Variants in WDR37 observed in about 807,000 individuals in gnomAD.
WDR37 encodes the protein WD repeat-containing protein 37.
Under a neutral mutation model 62.9 loss-of-function variants are expected in WDR37, and 19 were observed. The ratio of observed to expected loss-of-function variants is 0.30; its 90% confidence interval spans 0.21 to 0.44. WDR37 has a LOEUF of 0.44. WDR37 is among the 20% of genes least tolerant of loss of function. The pLI is 1.00. For missense variants in WDR37, 474 were observed against 657.6 expected (o/e 0.72, Z 3.05); for synonymous variants, 250 against 260.9 (o/e 0.96, Z 0.40).
chr10:1,074,935 G>T (rs1252622133), intron 2 of WDR37, among the ~76,000 whole-genome samples: 1 of 152,270 alleles, frequency 6.6e-6, no homozygotes, highest in African/African-American at 2.4e-5. Flanking sequence ...TGAAGAGCTG[G>T]CTGCTTCCCG....
At chr10:1,128,774 G>T (rs1431282685) in intron 13 of WDR37, among the ~76,000 whole-genome samples, 1 of 152,090 alleles carries the variant, frequency 6.6e-6, no homozygotes, top group African/African-American at 2.4e-5. Context: ...ACTCATTCTG[G>T]CCTGGCTGCA....
intron 12 of WDR37, 117 bp downstream of exon 12, chr10:1,124,469 G>T (rs763216355): frequency 1.4e-6 from 2 of 1,421,096 alleles, no homozygotes; most frequent in East Asian, 4.6e-5. Context: ...AATGGTTTAG[G>T]CTCCTTTGTC....
At chr10:1,117,538 T>G (rs1301781482) in intron 11 of WDR37, among the ~76,000 whole-genome samples, 1 of 152,216 alleles carries the variant, frequency 6.6e-6, no homozygotes, top group Non-Finnish European at 1.5e-5. Context: ...CAGCTTTGTT[T>G]CGGCCTGTCA....
At chr10:1,069,389 A>ATATATATATATATATATTTTTTTTTTTT in intron 1 of WDR37, among the ~76,000 whole-genome samples, 1 of 95,776 alleles carries the variant, frequency 1.0e-5, no homozygotes, top group East Asian at 3.4e-4. Context: ...ATATATATAT[A>ATATATATATATATATATTTTTTTTTTTT]TTTTTTTTTT....
intron 11 of WDR37, among the ~76,000 whole-genome samples, chr10:1,108,418 G>A (rs1407884798): frequency 6.6e-6 from 1 of 152,148 alleles, no homozygotes; most frequent in Non-Finnish European, 1.5e-5. Context: ...TCCTTTAAGT[G>A]CCCCTCTGCT....
intron 1 of WDR37, among the ~76,000 whole-genome samples, chr10:1,063,956 A>G (rs147715860): frequency 3.9e-4 from 59 of 152,162 alleles, no homozygotes; most frequent in African/African-American, 1.4e-3. Context: ...GAAAATCTCA[A>G]CCTCAGTAAG....
intron 11 of WDR37, among the ~76,000 whole-genome samples, chr10:1,110,025 C>G (rs1835161003): frequency 6.6e-6 from 1 of 152,172 alleles, no homozygotes; most frequent in African/African-American, 2.4e-5. Flanking sequence ...TGGACCAGAC[C>G]TGCCCGGGCC....
At chr10:1,111,763 A>G (rs1297143545) in intron 11 of WDR37, among the ~76,000 whole-genome samples, 1 of 152,238 alleles carries the variant, frequency 6.6e-6, no homozygotes, top group Non-Finnish European at 1.5e-5. Context: ...ACTGATTTAT[A>G]TGAAAAGCAA....
In WDR37 at chr10:1,080,111, G is replaced by A. The variant is rs994543677; in HGVS notation, c.331+5G>A. The A allele has an allele frequency of 8.7e-6, 14 of 1,613,868 alleles. No homozygotes were observed. Among genetic ancestry groups the A allele is most frequent in the Non-Finnish European group, 1.7e-6 (2 of 1,179,942 alleles). Reference sequence around the variant, plus strand: ...AGGGCCAACTCAAAACAAAAGGTAAGGTGAATCCCATGAAAGTCTTGTCCT... The same window carrying A: ...AGGGCCAACTCAAAACAAAAGGTAAAGTGAATCCCATGAAAGTCTTGTCCT... On this transcript the variant is annotated splice_donor_5th_base_variant and intron_variant, in intron 4 of 13. Transcript: ENST00000263150.
rs141826343 is a variant in WDR37 at position 1,125,000 on chromosome 10, G to A, written c.1329G>A (p.Ala443=). Residue 443 remains alanine, a synonymous_variant, in exon 13 of 14, where the codon GCG becomes GCA. Coordinates refer to ENST00000263150, the MANE Select transcript of WDR37 (RefSeq NM_014023.4). ...TTGATATGTCAGGAGTGCGCCTGGC[G>A]CGGCTTCCCCGGAGCAGCCGACAGG... ...RLFDMSGVRL[A]RLPRSSRQGH... The A allele has an allele frequency of 3.7e-5, 60 of 1,614,226 alleles. No individual in the cohort carries two copies. In the African/African-American group the frequency reaches 6.4e-4, roughly 17 times the overall value.
rs1834034389 is a variant in WDR37 at position 1,081,681 on chromosome 10, A to G, written c.396+1205A>G. Among the ~76,000 whole-genome samples, 3 of 152,056 alleles carry G rather than the reference A, an allele frequency of 2.0e-5. No homozygotes were observed. In the South Asian group the frequency reaches 6.2e-4, roughly 31 times the overall value. ...TTTGGCCATGTAATGTCTAGCTTAT[A>G]CTTACAAGTTTTGAACTTTTTAATA... On this transcript the variant is annotated intron_variant, in intron 5 of 13. Coordinates refer to ENST00000263150, the MANE Select transcript of WDR37 (RefSeq NM_014023.4).
At chr10:1,066,318 G>T (rs190725963) in intron 1 of WDR37, among the ~76,000 whole-genome samples, 1 of 152,102 alleles carries the variant, frequency 6.6e-6, no homozygotes, top group Non-Finnish European at 1.5e-5. Context: ...GGGTTTCACC[G>T]TGTTAGCTAG....
intron 11 of WDR37, among the ~76,000 whole-genome samples, chr10:1,115,810 C>A (rs1039387618): frequency 2.0e-5 from 3 of 152,154 alleles, no homozygotes; most frequent in African/African-American, 7.2e-5. Flanking sequence ...CAGCCATCTA[C>A]CAGGTGGTGA....
chr10:1,124,364 C>G lies in WDR37; in HGVS notation c.1238+12C>G, dbSNP rs7916430. On this transcript the variant is annotated intron_variant, in intron 12 of 13. Coordinates refer to ENST00000263150, the MANE Select transcript of WDR37 (RefSeq NM_014023.4). ...TCTGCCATTAACAGGTAAAGTCAAA[C>G]TGTTGGTTAAGTAAGTGGCTTAGTT... 223,424 of 1,613,664 alleles carry G rather than the reference C, an allele frequency of 0.14. 16,544 individuals are homozygous for G. The highest frequency in any genetic ancestry group is 0.21 in the Middle Eastern group (1,263 of 6,062).
In WDR37 at chr10:1,059,494, A is replaced by G. The variant is rs1401040350; in HGVS notation, c.-41+2526A>G. 2.0e-5 allele frequency among the ~76,000 whole-genome samples: 3 copies of G among 151,912 alleles called. No individual in the cohort carries two copies. In the East Asian group the frequency reaches 5.8e-4, roughly 29 times the overall value. Reference sequence around the variant, plus strand: ...TTTCTATAGCTACAAATTAATTAATATTGGAAATATTGAAAAGAATCTGGC... The same window carrying G: ...TTTCTATAGCTACAAATTAATTAATGTTGGAAATATTGAAAAGAATCTGGC... On this transcript the variant is annotated intron_variant, in intron 1 of 13. Coordinates refer to ENST00000263150, the MANE Select transcript of WDR37 (RefSeq NM_014023.4).
chr10:1,057,426 C>T (rs1833226610), intron 1 of WDR37, among the ~76,000 whole-genome samples: 1 of 152,080 alleles, frequency 6.6e-6, no homozygotes, highest in South Asian at 2.1e-4. Flanking sequence ...CTTGGGAGGC[C>T]CTTCAGAGAG....
At position 1,077,893 on chromosome 10, in the gene WDR37, GTCT is replaced by G. The variant is rs1331333888; in HGVS notation, c.139-7_139-5del. 4.4e-6 allele frequency: 7 copies of G among 1,597,178 alleles called. No homozygotes were observed. Among genetic ancestry groups the G allele is most frequent in the Non-Finnish European group, 5.1e-6 (6 of 1,171,130 alleles). On this transcript the variant is annotated splice_polypyrimidine_tract_variant and intron_variant, in intron 2 of 13. Transcript: ENST00000263150. ...CATTCATTCATTCATTTTAAACAAAGTCTTCTTCTGCAGGATTCTAAACTGCCT... is the reference window on the plus strand; with the variant it reads ...CATTCATTCATTCATTTTAAACAAAGTCTTCTGCAGGATTCTAAACTGCCT...
Position 1,109,634 on chromosome 10 carries a change from T to A in WDR37, c.1103+4367T>A, listed in dbSNP as rs370759493. Among the ~76,000 whole-genome samples the A allele has an allele frequency of 7.9e-5, 12 of 152,076 alleles. No homozygotes were observed. In the East Asian group the frequency reaches 1.9e-3, roughly 24 times the overall value. On this transcript the variant is annotated intron_variant, in intron 11 of 13. Coordinates refer to ENST00000263150, the MANE Select transcript of WDR37 (RefSeq NM_014023.4). ...GCTGAGGCAGGAGAATCGCTTGAAC[T>A]TGGGAGGTGGAGGTTGCGGTGAGCC...
At chr10:1,093,741 C>G (rs1834476720) in intron 8 of WDR37, among the ~76,000 whole-genome samples, 1 of 152,190 alleles carries the variant, frequency 6.6e-6, no homozygotes, top group Non-Finnish European at 1.5e-5. Flanking sequence ...CTTCTCGAAG[C>G]CTTTCCGTAC....
Sources: gnomAD v4.1 joint callset for allele counts (sites outside exome capture counted in the v4.1 genomes callset) on GRCh38, gnomAD v4.1.1 for gene constraint, MANE v1.5 for transcripts, NCBI Gene and HGNC (gene_info 2026-07-23, HGNC 2026-07-21) for gene names.